NHS: variants seen among roughly 807,000 people sequenced by gnomAD.
NHS encodes the protein NHS actin remodeling regulator.
A neutral mutation model predicts 72.5 loss-of-function variants in NHS; 5 were observed. That is an observed-to-expected ratio of 0.07 (90% CI 0.04 to 0.14). The LOEUF is 0.14. Ranked by LOEUF, NHS falls within the 10% of genes least tolerant of loss-of-function variation. The pLI is 1.00. For missense variants in NHS, 1,072 were observed against 1,355.7 expected, an observed-to-expected ratio of 0.79 and a Z score of 3.29; for synonymous variants, 464 against 547.7, an observed-to-expected ratio of 0.85 and a Z score of 2.13.
intron 1 of NHS, among the ~76,000 whole-genome samples, chrX:17,540,228 C>G (rs2065256108): frequency 9.0e-6 from 1 of 111,336 alleles, no homozygotes. Flanking sequence ...CCACAGTAAC[C>G]CTAGGGAGGA....
intron 1 of NHS, among the ~76,000 whole-genome samples, chrX:17,430,374 T>G (rs1275480249): frequency 1.0e-5 from 1 of 97,933 alleles, no homozygotes; most frequent in Non-Finnish European, 2.0e-5. Context: ...CTTTCTTTCC[T>G]TCTTTCTTTC....
chrX:17,561,568 GCGCGCGCACACACACACACACACA>G (rs1316683544), intron 1 of NHS, among the ~76,000 whole-genome samples: 132 of 65,615 alleles, frequency 2.0e-3, no homozygotes, highest in African/African-American at 8.9e-3. Context: ...GCGCGCGCGC[GCGCGCGCACACACACACACACACA>G]CACACACACA....
At chrX:17,680,792 G>C (rs767047784) in intron 1 of NHS, among the ~76,000 whole-genome samples, 11 of 110,832 alleles carry the variant, frequency 9.9e-5, no homozygotes, top group African/African-American at 3.6e-4. Flanking sequence ...TCCATTAGTA[G>C]AATCCAATGA....
intron 1 of NHS, among the ~76,000 whole-genome samples, chrX:17,542,695 G>A (rs777161147): frequency 2.7e-5 from 3 of 110,412 alleles, no homozygotes; most frequent in Non-Finnish European, 5.7e-5. Flanking sequence ...AATCCAGAGA[G>A]AGAGAGAGAG....
At chrX:17,545,658 T>C (rs1487778955) in intron 1 of NHS, among the ~76,000 whole-genome samples, 1 of 112,203 alleles carries the variant, frequency 8.9e-6, no homozygotes, top group South Asian at 3.7e-4. Context: ...ACTCCATACA[T>C]TGGTCAGTGT....
intron 1 of NHS, among the ~76,000 whole-genome samples, chrX:17,452,111 G>A (rs973909958): frequency 1.3e-4 from 14 of 111,454 alleles, no homozygotes; most frequent in African/African-American, 3.6e-4. Flanking sequence ...AGGAACTTAC[G>A]GTTAATTGGG....
intron 1 of NHS, chrX:17,635,644 G>C (rs2065842596): frequency 8.9e-7 from 1 of 1,128,447 alleles, no homozygotes; most frequent in Admixed American, 2.6e-5. Context: ...AAAGGGGAGG[G>C]GGAGGCTGGG....
intron 6 of NHS, among the ~76,000 whole-genome samples, chrX:17,725,083 G>A (rs1470581209): frequency 6.3e-5 from 7 of 111,324 alleles, no homozygotes; most frequent in Middle Eastern, 4.3e-3. Context: ...GCAAATTAAC[G>A]TGATAGTGAA....
intron 6 of NHS, among the ~76,000 whole-genome samples, 181 bp from the exon 7 acceptor site, chrX:17,725,166 C>T (rs187735143): frequency 4.6e-5 from 5 of 109,285 alleles, no homozygotes; most frequent in African/African-American, 1.0e-4. Flanking sequence ...ATGAGGGGGA[C>T]GTGTATATAC....
chrX:17,513,505 C>T (rs2065100832), intron 1 of NHS, among the ~76,000 whole-genome samples: 2 of 112,414 alleles, frequency 1.8e-5, no homozygotes, highest in Non-Finnish European at 3.8e-5. Flanking sequence ...TCAGATCAAC[C>T]ACATCAGAAT....
In NHS at chrX:17,724,381, G is replaced by A. The variant is rs767900191; in HGVS notation, c.1191G>A (p.Arg397=). The A allele has an allele frequency of 4.1e-6, 5 of 1,210,386 alleles. No homozygotes were observed. The African/African-American group carries it at 8.7e-5, about 21-fold the overall frequency. ...TACTACAGCGGAGACGAAAATTGAG[G>A]AGGAGGAAAACCATCTCGGGTATCC... ...QSVLQRRRKL[R]RRKTISGIPR... The change falls in exon 6 of 9, where the codon AGG becomes AGA. Residue 397 remains arginine (R), a synonymous_variant. Coordinates refer to ENST00000676302, the MANE Select transcript of NHS (RefSeq NM_001291867.2).
At chrX:17,638,050 G>A (rs780681763) in intron 1 of NHS, among the ~76,000 whole-genome samples, 11 of 111,805 alleles carry the variant, frequency 9.8e-5, no homozygotes, top group Non-Finnish European at 1.5e-4. Context: ...TGGAGGCTTG[G>A]ACAGGTGTGA....
chrX:17,620,889 T>C (rs900153479), intron 1 of NHS, among the ~76,000 whole-genome samples: 4 of 108,786 alleles, frequency 3.7e-5, no homozygotes, highest in African/African-American at 1.0e-4. Flanking sequence ...AAGTGGAGGG[T>C]TGAAGGAAGG....
intron 1 of NHS, among the ~76,000 whole-genome samples, chrX:17,558,365 G>C (rs1206062966): frequency 1.8e-5 from 2 of 112,010 alleles, no homozygotes; most frequent in Non-Finnish European, 3.8e-5. Context: ...ACTAGATTTA[G>C]AGAGATGTCA....
chrX:17,551,555 G>A (rs1289961768), intron 1 of NHS, among the ~76,000 whole-genome samples: 2 of 112,114 alleles, frequency 1.8e-5, no homozygotes, highest in African/African-American at 6.5e-5. Flanking sequence ...AGAATGGCCT[G>A]TTTCCATGGC....
intron 1 of NHS, among the ~76,000 whole-genome samples, chrX:17,534,096 T>TTGTGTGTGTGTGTGTGTGTGTG (rs59352413): frequency 9.5e-6 from 1 of 104,923 alleles, no homozygotes; most frequent in East Asian, 3.1e-4. Flanking sequence ...TGAAAGGTCA[T>TTGTGTGTGTGTGTGTGTGTGTG]TGTGTGTGTG....
intron 1 of NHS, among the ~76,000 whole-genome samples, chrX:17,584,127 G>C (rs924719117): frequency 1.8e-5 from 2 of 111,916 alleles, no homozygotes; most frequent in Non-Finnish European, 3.8e-5. Context: ...GGGCAGTGAG[G>C]AGAGTTTGAG....
intron 1 of NHS, among the ~76,000 whole-genome samples, chrX:17,673,177 AACACACACACACACAC>A (rs56271300): frequency 0.011 from 734 of 65,523 alleles, 8 homozygotes; most frequent in African/African-American, 0.02. Flanking sequence ...TGGAAGATGA[AACACACACACACACAC>A]ACACACACAC....
chrX:17,377,699 T>G (rs1273344927), intron 1 of NHS, among the ~76,000 whole-genome samples: 1 of 113,590 alleles, frequency 8.8e-6, no homozygotes, highest in Non-Finnish European at 1.9e-5. Flanking sequence ...GTCCCGGGAA[T>G]TCACTGCTTT....
Sources: allele counts gnomAD v4.1 joint callset (sites outside exome capture counted in the v4.1 genomes callset), GRCh38; gene constraint gnomAD v4.1.1; transcripts MANE v1.5; gene names NCBI Gene and HGNC (gene_info 2026-07-23, HGNC 2026-07-21).